Variants in NCKAP1 observed in about 807,000 individuals in gnomAD.
The protein encoded by NCKAP1 is nck-associated protein 1.
Under a neutral mutation model 151.2 loss-of-function variants are expected in NCKAP1, and 21 were observed. The ratio of observed to expected loss-of-function variants is 0.14; its 90% CI spans 0.10 to 0.20. The LOEUF is 0.20. Ranked by LOEUF, NCKAP1 falls within the 10% of genes least tolerant of loss-of-function variation. NCKAP1 has a pLI of 1.00. For synonymous variants in NCKAP1, 484 were observed against 451.8 expected (o/e 1.07, Z -0.90); for missense variants, 933 against 1,352.1 (o/e 0.69, Z 4.86).
chr2:182,975,068 G>A (rs1268366992), intron 15 of NCKAP1, among the ~76,000 whole-genome samples: 1 of 152,122 alleles, frequency 6.6e-6, no homozygotes, highest in Admixed American at 6.5e-5. Flanking sequence ...TATAAACCCA[G>A]AACAGGAGAT....
intron 23 of NCKAP1, among the ~76,000 whole-genome samples, chr2:182,951,701 C>T (rs1018992581): frequency 6.7e-6 from 1 of 149,680 alleles, no homozygotes; most frequent in East Asian, 2.0e-4. Context: ...CACCAAAAAG[C>T]TTTTACGAAG....
chr2:182,925,284 AGAAC>A lies in NCKAP1; in HGVS notation c.*414_*417del, dbSNP rs1696619372. 6.6e-6 allele frequency: 1 copy of A among 152,292 alleles called. No homozygotes were observed. 9.4% of individuals were successfully genotyped at this position (152,292 alleles called of 1,614,324 possible). A position where few individuals can be genotyped will look rare whatever the true frequency, so the allele number is the denominator to read the frequency against. On this transcript the variant is annotated 3_prime_UTR_variant, in exon 31 of 31. Transcript: ENST00000361354. ...TGCACATCCAATGTTGTTTTCAATA[AGAAC>A]CATAGGTACAGATCAGAACTCTTCC...
Position 182,916,583 on chromosome 2 carries a change from G to A in NCKAP1, c.*9119C>T, listed in dbSNP as rs1696472518. 1 of 152,212 alleles carries A rather than the reference G, an allele frequency of 6.6e-6. No homozygotes were observed. The highest frequency in any genetic ancestry group is 2.4e-5 in the African/African-American group (1 of 41,442). 9.4% of individuals were successfully genotyped at this position (152,212 alleles called of 1,614,324 possible). A position where few individuals can be genotyped will look rare whatever the true frequency, so the allele number is the denominator to read the frequency against. ...GGATGGCATGGTAAGGAAAGGGCAA[G>A]TGATGTTTGAGCTTACTGTTTACAT... On this transcript the variant is annotated 3_prime_UTR_variant, in exon 31 of 31. Transcript: ENST00000361354.
At chr2:182,930,903 G>T in intron 26 of NCKAP1, 115 bp from the exon 27 acceptor site, 1 of 809,964 alleles carries the variant, frequency 1.2e-6, no homozygotes, top group Non-Finnish European at 2.0e-6. Flanking sequence ...AAACTTGGCT[G>T]AAGCAGAAAC....
At chr2:183,030,855 G>C (rs1036151427) in intron 1 of NCKAP1, among the ~76,000 whole-genome samples, 5 of 152,074 alleles carry the variant, frequency 3.3e-5, no homozygotes, top group Non-Finnish European at 7.4e-5. Context: ...TTTATATCAA[G>C]AGCAAAATAA....
intron 7 of NCKAP1, 116 bp downstream of exon 7, chr2:182,995,585 T>G (rs535469854): frequency 1.0e-6 from 1 of 966,788 alleles, no homozygotes; most frequent in Non-Finnish European, 1.5e-6. Context: ...CATTTTATAA[T>G]GAACTTCAAC....
rs745655595 is a variant in NCKAP1 at position 183,003,214 on chromosome 2, T to G, written c.312+19A>C. The G allele has an allele frequency of 1.7e-5, 24 of 1,377,220 alleles. No homozygotes were observed. The highest frequency in any genetic ancestry group is 2.2e-5 in the Non-Finnish European group (22 of 996,656). 85.3% of individuals were successfully genotyped at this position (1,377,220 alleles called of 1,614,324 possible). A position where few individuals can be genotyped will look rare whatever the true frequency, so the allele number is the denominator to read the frequency against. ...AATCTACTTCTGAAGTGTTAAATAT[T>G]ATATATTAAAATACATACCTTAAAT... On this transcript the variant is annotated intron_variant, in intron 3 of 30. Coordinates refer to ENST00000361354, the MANE Select transcript of NCKAP1 (RefSeq NM_013436.5).
chr2:182,969,416 T>C (rs1697641073), intron 15 of NCKAP1, among the ~76,000 whole-genome samples: 1 of 151,900 alleles, frequency 6.6e-6, no homozygotes, highest in Non-Finnish European at 1.5e-5. Flanking sequence ...CCAAAACCTA[T>C]GAAATACAGC....
chr2:183,018,479 C>T (rs533123792), intron 2 of NCKAP1, among the ~76,000 whole-genome samples: 2 of 152,218 alleles, frequency 1.3e-5, no homozygotes, highest in Middle Eastern at 6.8e-3. Flanking sequence ...CCTTCTAAGT[C>T]CTTACCAAAC....
At chr2:182,947,691 T>C (rs1029753122) in intron 23 of NCKAP1, among the ~76,000 whole-genome samples, 2 of 152,178 alleles carry the variant, frequency 1.3e-5, no homozygotes, top group East Asian at 3.8e-4. Context: ...AATCTGTAAG[T>C]TCTTTTGTTC....
intron 18 of NCKAP1, among the ~76,000 whole-genome samples, 186 bp downstream of exon 18, chr2:182,961,973 T>A (rs1697463323): frequency 6.6e-6 from 1 of 152,200 alleles, no homozygotes; most frequent in African/African-American, 2.4e-5. Context: ...AAACAGTACG[T>A]ACAGTCTTGC....
chr2:182,960,426 C>T (rs1361833507), intron 18 of NCKAP1, among the ~76,000 whole-genome samples: 1 of 152,058 alleles, frequency 6.6e-6, no homozygotes, highest in Non-Finnish European at 1.5e-5. Context: ...GAAATAATGC[C>T]GCATATCTAC....
intron 2 of NCKAP1, among the ~76,000 whole-genome samples, chr2:183,018,777 T>C (rs1698742751): frequency 6.6e-6 from 1 of 152,232 alleles, no homozygotes; most frequent in Non-Finnish European, 1.5e-5. Flanking sequence ...TTAGAGTGTA[T>C]CAAATAGTTC....
rs1364069317 is a variant in NCKAP1 at position 182,913,138 on chromosome 2, C to T, written c.*12564G>A. 6.6e-6 allele frequency: 1 copy of T among 152,164 alleles called. No individual in the cohort carries two copies. Among genetic ancestry groups the T allele is most frequent in the Admixed American group, 6.5e-5 (1 of 15,274 alleles). 9.4% of individuals were successfully genotyped at this position (152,164 alleles called of 1,614,324 possible). A position where few individuals can be genotyped will look rare whatever the true frequency, so the allele number is the denominator to read the frequency against. ...AAGATCAAACATGTAAAGTCTGTCT[C>T]CTCCACTATATTATAAGCTCTGTGA... On this transcript the variant is annotated 3_prime_UTR_variant, in exon 31 of 31. Coordinates refer to ENST00000361354, the MANE Select transcript of NCKAP1 (RefSeq NM_013436.5).
At chr2:182,959,276 G>A (rs1168137756) in intron 18 of NCKAP1, among the ~76,000 whole-genome samples, 1 of 152,092 alleles carries the variant, frequency 6.6e-6, no homozygotes, top group Non-Finnish European at 1.5e-5. Flanking sequence ...ATATTAAAGA[G>A]ACCAGAGTGT....
intron 23 of NCKAP1, among the ~76,000 whole-genome samples, chr2:182,946,231 CT>C (rs1697100832): frequency 6.6e-6 from 1 of 152,048 alleles, no homozygotes; most frequent in African/African-American, 2.4e-5. Flanking sequence ...AACCCCGTCT[CT>C]ACTAAAAAAT....
At chr2:182,995,114 T>G (rs1368271008) in intron 7 of NCKAP1, among the ~76,000 whole-genome samples, 4 of 152,136 alleles carry the variant, frequency 2.6e-5, no homozygotes, top group African/African-American at 4.8e-5. Flanking sequence ...CCCTCAAACC[T>G]CTCTTTAAAA....
chr2:183,007,960 CTT>C (rs946662567), intron 2 of NCKAP1, among the ~76,000 whole-genome samples: 1 of 152,104 alleles, frequency 6.6e-6, no homozygotes, highest in Non-Finnish European at 1.5e-5. Context: ...GAGTTTGGCT[CTT>C]GTTGCCCAGG....
chr2:182,948,443 G>T (rs560335742), intron 23 of NCKAP1, among the ~76,000 whole-genome samples: 1 of 152,164 alleles, frequency 6.6e-6, no homozygotes, highest in South Asian at 2.1e-4. Flanking sequence ...TAATATCTGA[G>T]CGAGAATACA....
Sources: allele counts gnomAD v4.1 joint callset (sites outside exome capture counted in the v4.1 genomes callset), GRCh38; gene constraint gnomAD v4.1.1; transcripts MANE v1.5; gene names NCBI Gene and HGNC (gene_info 2026-07-23, HGNC 2026-07-21).